The following INPP4B variants were observed in gnomAD, a reference collection of about 807,000 sequenced individuals.
INPP4B encodes the protein inositol polyphosphate-4-phosphatase type II B, also known as inositol polyphosphate 4-phosphatase type II.
INPP4B carries 55 observed loss-of-function variants against 122.5 expected under a neutral mutation model. The observed-to-expected ratio is 0.45, with a 90% CI of 0.36 to 0.56. The LOEUF (loss-of-function observed/expected upper bound fraction) is 0.56, where lower values mean the gene tolerates loss of function less well. Among genes scored for constraint, INPP4B ranks in the 20% least tolerant of loss-of-function variants. The pLI, the probability that INPP4B is intolerant of heterozygous loss-of-function variation, is 0.00. For synonymous variants in INPP4B, 403 were observed against 388.7 expected, an observed-to-expected ratio of 1.04 and a Z score of -0.43; for missense variants, 1,000 against 1,097.7, an observed-to-expected ratio of 0.91 and a Z score of 1.26.
chr4:142,414,113 C>T (rs190441941), intron 5 of INPP4B, among the ~76,000 whole-genome samples: 1 of 152,252 alleles, frequency 6.6e-6, no homozygotes, highest in East Asian at 1.9e-4. Context: ...TTCTTTACAA[C>T]TGATTCACTT....
chr4:142,407,703 T>C (rs1034674711), intron 5 of INPP4B, among the ~76,000 whole-genome samples: 5 of 152,254 alleles, frequency 3.3e-5, no homozygotes, highest in African/African-American at 9.6e-5. Context: ...CTAAGTCTTA[T>C]GCAGCATGAT....
chr4:142,673,666 G>A (rs1757310067), intron 2 of INPP4B, among the ~76,000 whole-genome samples: 1 of 152,098 alleles, frequency 6.6e-6, no homozygotes, highest in Admixed American at 6.6e-5. Context: ...AACAGTAGAG[G>A]TTCCAGTCTA....
At chr4:142,494,723 C>G (rs1822308144) in intron 2 of INPP4B, among the ~76,000 whole-genome samples, 1 of 152,072 alleles carries the variant, frequency 6.6e-6, no homozygotes, top group South Asian at 2.1e-4. Context: ...CCTAGCTGCT[C>G]TCAATATTTT....
At chr4:142,040,645 A>G (rs1045314701) in intron 25 of INPP4B, among the ~76,000 whole-genome samples, 36 of 152,232 alleles carry the variant, frequency 2.4e-4, no homozygotes, top group Admixed American at 2.6e-4. Context: ...AAATAGATAT[A>G]GATCTAGAAC....
intron 2 of INPP4B, among the ~76,000 whole-genome samples, chr4:142,610,652 T>C (rs2150335968): frequency 6.6e-6 from 1 of 152,330 alleles, no homozygotes; most frequent in Non-Finnish European, 1.5e-5. Context: ...TTAGAAAAAC[T>C]GCATTATTTT....
chr4:142,811,533 G>T, intron 1 of INPP4B, among the ~76,000 whole-genome samples: 1 of 152,150 alleles, frequency 6.6e-6, no homozygotes, highest in East Asian at 1.9e-4. Flanking sequence ...TCTAGTTATT[G>T]ACAGCTTCCC....
In INPP4B at chr4:142,842,894, T is replaced by C. The variant is rs916709038; in HGVS notation, c.-254+3315A>G. 5.0e-5 allele frequency among the ~76,000 whole-genome samples: 7 copies of C among 139,710 alleles called. No individual in the cohort carries two copies. The East Asian group carries it at 1.2e-3, about 24-fold the overall frequency. The allele number at this position is 139,710 out of a possible 152,430, so 91.7% of individuals were successfully genotyped here. On this transcript the variant is annotated intron_variant, in intron 1 of 25. Transcript: ENST00000262992. ...TATATAAATATATATGATTATTATA[T>C]ATTTATATATAATAATATATATACT...
intron 15 of INPP4B, among the ~76,000 whole-genome samples, chr4:142,192,296 GAAAA>G (rs1684400906): frequency 2.0e-5 from 1 of 49,698 alleles, no homozygotes; most frequent in Non-Finnish European, 3.5e-5. Flanking sequence ...AAAAAAGAAA[GAAAA>G]AAACCTGCAC....
chr4:142,032,258 A>G (rs1328140373), intron 25 of INPP4B, among the ~76,000 whole-genome samples: 3 of 150,388 alleles, frequency 2.0e-5, no homozygotes, highest in African/African-American at 7.6e-5. Context: ...TCTCAGTGGG[A>G]AAGCCCAGGC....
chr4:142,838,332 C>T (rs1310232092), intron 1 of INPP4B, among the ~76,000 whole-genome samples: 3 of 148,946 alleles, frequency 2.0e-5, no homozygotes, highest in Admixed American at 6.7e-5. Context: ...ATGGAGACTT[C>T]GTACATTTAT....
intron 2 of INPP4B, among the ~76,000 whole-genome samples, chr4:142,547,609 T>C (rs1163449087): frequency 6.6e-6 from 1 of 152,168 alleles, no homozygotes; most frequent in Non-Finnish European, 1.5e-5. Flanking sequence ...ATTTTATGTC[T>C]CAGGAAAACT....
At chr4:142,108,232 G>C in intron 22 of INPP4B, 42 bp from the exon 23 acceptor site, 1 of 980,982 alleles carries the variant, frequency 1.0e-6, no homozygotes, top group Non-Finnish European at 1.6e-6. Flanking sequence ...TTATAAAACG[G>C]TACCAAAAAG....
chr4:142,045,699 A>G (rs1426077642), intron 25 of INPP4B, among the ~76,000 whole-genome samples: 1 of 152,162 alleles, frequency 6.6e-6, no homozygotes, highest in African/African-American at 2.4e-5. Context: ...GTGTGTAATT[A>G]AATAAGTTGG....
chr4:142,397,426 T>G (rs1320392919), intron 7 of INPP4B, among the ~76,000 whole-genome samples: 1 of 152,180 alleles, frequency 6.6e-6, no homozygotes, highest in East Asian at 1.9e-4. Flanking sequence ...ATTATAAAAT[T>G]TATTTGGACA....
chr4:142,046,196 A>G (rs1362320659), intron 25 of INPP4B, among the ~76,000 whole-genome samples: 1 of 152,182 alleles, frequency 6.6e-6, no homozygotes, highest in African/African-American at 2.4e-5. Context: ...AGTGTTATTT[A>G]TAGCAACTTA....
At chr4:142,554,491 C>G (rs1728729506) in intron 2 of INPP4B, among the ~76,000 whole-genome samples, 1 of 152,078 alleles carries the variant, frequency 6.6e-6, no homozygotes, top group East Asian at 1.9e-4. Context: ...TCCAAGTGCC[C>G]CCTATTTAAA....
At chr4:142,290,253 C>G (rs1755833880) in intron 9 of INPP4B, among the ~76,000 whole-genome samples, 1 of 118,818 alleles carries the variant, frequency 8.4e-6, no homozygotes, top group African/African-American at 3.3e-5. Context: ...GTTGCCCAGG[C>G]TGGAATGCAG....
At chr4:142,790,681 T>A (rs1580924820) in intron 1 of INPP4B, among the ~76,000 whole-genome samples, 1 of 151,966 alleles carries the variant, frequency 6.6e-6, no homozygotes. Flanking sequence ...AAAACAAACC[T>A]TATGTAATTA....
chr4:142,253,596 C>T (rs1013479832), intron 11 of INPP4B, among the ~76,000 whole-genome samples: 4 of 152,286 alleles, frequency 2.6e-5, no homozygotes, highest in Non-Finnish European at 4.4e-5. Flanking sequence ...GGGTGACAGA[C>T]GGCACCTGGA....
Sources: allele counts gnomAD v4.1 joint callset (sites outside exome capture counted in the v4.1 genomes callset), GRCh38; gene constraint gnomAD v4.1.1; transcripts MANE v1.5; gene names NCBI Gene and HGNC (gene_info 2026-07-23, HGNC 2026-07-21).